The following ASIC2 variants were observed in gnomAD, a reference collection of about 807,000 sequenced individuals.
ASIC2 encodes the protein acid sensing ion channel subunit 2.
A neutral mutation model predicts 57.3 loss-of-function variants in ASIC2; 25 were observed. That is an observed-to-expected ratio of 0.44 (90% CI 0.32 to 0.61). The LOEUF (loss-of-function observed/expected upper bound fraction) is 0.61, where lower values mean the gene tolerates loss of function less well. Among genes scored for constraint, ASIC2 ranks in the 20% least tolerant of loss-of-function variants. The pLI is 0.06. For synonymous variants in ASIC2, 319 were observed against 307.5 expected (o/e 1.04, Z -0.39); for missense variants, 641 against 738.1 (o/e 0.87, Z 1.52).
intron 1 of ASIC2, among the ~76,000 whole-genome samples, chr17:33,979,010 GT>G (rs1905502263): frequency 6.6e-6 from 1 of 152,144 alleles, no homozygotes. Flanking sequence ...ACCAGAGTCA[GT>G]TTACAGACTA....
At chr17:33,050,696 G>A (rs561769827) in intron 3 of ASIC2, among the ~76,000 whole-genome samples, 1 of 152,250 alleles carries the variant, frequency 6.6e-6, no homozygotes, top group African/African-American at 2.4e-5. Context: ...AGGAAATCCC[G>A]GGTGCTCACT....
chr17:34,105,928 C>T (rs1168411343), intron 1 of ASIC2, among the ~76,000 whole-genome samples: 1 of 151,942 alleles, frequency 6.6e-6, no homozygotes, highest in Admixed American at 6.6e-5. Flanking sequence ...ATACTTCAAT[C>T]TAGTATACCA....
At chr17:33,995,339 G>A (rs181405206) in intron 1 of ASIC2, among the ~76,000 whole-genome samples, 47 of 152,160 alleles carry the variant, frequency 3.1e-4, no homozygotes, top group African/African-American at 1.1e-3. Flanking sequence ...AACCTTCAAG[G>A]CTTGAGACCT....
chr17:33,437,108 G>A lies in ASIC2; in HGVS notation c.556-325041C>T, dbSNP rs577621671. Among the ~76,000 whole-genome samples the A allele has an allele frequency of 6.6e-5, 10 of 151,576 alleles. No homozygotes were observed. The South Asian group carries it at 1.9e-3, about 29-fold the overall frequency. Reference sequence around the variant, plus strand: ...TCTCGATCTCCTGACCTCGTGATCTGCCCGCCTCGGCCTCCCAAAGTGCTG... The same window carrying A: ...TCTCGATCTCCTGACCTCGTGATCTACCCGCCTCGGCCTCCCAAAGTGCTG... On this transcript the variant is annotated intron_variant, in intron 1 of 9. Transcript: ENST00000359872.
intron 1 of ASIC2, among the ~76,000 whole-genome samples, chr17:33,148,507 T>G (rs1172443320): frequency 3.9e-5 from 6 of 152,190 alleles, no homozygotes. Context: ...GTGACTAAGA[T>G]CCTAGGGCCG....
intron 1 of ASIC2, among the ~76,000 whole-genome samples, chr17:33,833,154 T>G (rs574377166): frequency 2.3e-4 from 35 of 152,216 alleles, no homozygotes; most frequent in African/African-American, 8.2e-4. Flanking sequence ...AGAAGAAAAG[T>G]AAAGAAAATT....
At chr17:33,698,607 C>T (rs2046901) in intron 1 of ASIC2, among the ~76,000 whole-genome samples, 2 of 151,934 alleles carry the variant, frequency 1.3e-5, no homozygotes, top group South Asian at 2.1e-4. Context: ...CACTGCAAAA[C>T]ATCACTGGTA....
At position 33,120,161 on chromosome 17, in the gene ASIC2, A is replaced by G. The variant is rs187565694; in HGVS notation, c.709-8094T>C. On this transcript the variant is annotated intron_variant, in intron 1 of 9. Coordinates refer to ENST00000225823, the MANE Select transcript of ASIC2 (RefSeq NM_183377.2). ...ATAAGGTTTAGCATTATTTGAATGT[A>G]TGATATGGTAACGTGACCCCCTTCT... 3.8e-3 allele frequency among the ~76,000 whole-genome samples: 583 copies of G among 152,324 alleles called. 16 individuals carry two copies. The highest frequency in any genetic ancestry group is 0.035 in the Admixed American group (531 of 15,304).
intron 1 of ASIC2, among the ~76,000 whole-genome samples, chr17:33,749,698 C>T (rs773708170): frequency 1.3e-5 from 2 of 152,100 alleles, no homozygotes; most frequent in East Asian, 1.9e-4. Flanking sequence ...TTACAGCTTG[C>T]CCCGGCCTGA....
At chr17:33,314,572 AG>A (rs1428443007) in intron 1 of ASIC2, among the ~76,000 whole-genome samples, 1 of 152,184 alleles carries the variant, frequency 6.6e-6, no homozygotes. Flanking sequence ...CTGGGAAAGT[AG>A]GGGTTTATTA....
chr17:33,184,197 G>C, intron 1 of ASIC2, among the ~76,000 whole-genome samples: 1 of 152,212 alleles, frequency 6.6e-6, no homozygotes, highest in Non-Finnish European at 1.5e-5. Flanking sequence ...GACTCAGATG[G>C]TATAGTATAA....
chr17:33,507,902 T>G (rs1281613212), intron 1 of ASIC2, among the ~76,000 whole-genome samples: 1 of 152,142 alleles, frequency 6.6e-6, no homozygotes, highest in Non-Finnish European at 1.5e-5. Flanking sequence ...TAGACCCTGT[T>G]TCAAAACAAA....
chr17:34,067,992 T>G (rs1440820023), intron 1 of ASIC2, among the ~76,000 whole-genome samples: 1 of 152,190 alleles, frequency 6.6e-6, no homozygotes, highest in Non-Finnish European at 1.5e-5. Context: ...CACATACATC[T>G]CTATTATTTA....
At chr17:33,742,484 G>A (rs1435264783) in intron 1 of ASIC2, among the ~76,000 whole-genome samples, 1 of 152,158 alleles carries the variant, frequency 6.6e-6, no homozygotes, top group Non-Finnish European at 1.5e-5. Flanking sequence ...TGGACATTTT[G>A]TGCTCCTCTA....
intron 3 of ASIC2, chr17:33,052,596 A>T (rs2091981348): frequency 6.6e-6 from 1 of 152,164 alleles, no homozygotes; most frequent in Admixed American, 6.5e-5. Flanking sequence ...AGAGGACAGG[A>T]TGATGGATAC....
intron 1 of ASIC2, among the ~76,000 whole-genome samples, chr17:33,686,419 TC>T (rs1212835446): frequency 6.6e-6 from 1 of 152,122 alleles, no homozygotes; most frequent in East Asian, 1.9e-4. Context: ...TAATCTCTTG[TC>T]CTGTTCAGTA....
chr17:33,721,722 C>A (rs764467737), intron 1 of ASIC2, among the ~76,000 whole-genome samples: 11 of 152,206 alleles, frequency 7.2e-5, no homozygotes, highest in Non-Finnish European at 8.8e-5. Context: ...TTAGAGAAGA[C>A]CCTTTGAGAA....
At chr17:33,017,520 C>A in intron 8 of ASIC2, 85 bp downstream of exon 8, 14 of 1,144,726 alleles carry the variant, frequency 1.2e-5, no homozygotes, top group Non-Finnish European at 1.8e-5. Context: ...GAGGCACCGC[C>A]TTCCCTCTAC....
chr17:33,177,714 G>A (rs767400693), intron 1 of ASIC2, among the ~76,000 whole-genome samples: 2 of 152,208 alleles, frequency 1.3e-5, no homozygotes, highest in Non-Finnish European at 2.9e-5. Flanking sequence ...GGTGGAGGCT[G>A]CTCCTGGAGG....
Sources: allele counts gnomAD v4.1 joint callset (sites outside exome capture counted in the v4.1 genomes callset), GRCh38; gene constraint gnomAD v4.1.1; transcripts MANE v1.5; gene names NCBI Gene and HGNC (gene_info 2026-07-23, HGNC 2026-07-21).